GALNTL6: variants seen among roughly 807,000 people sequenced by gnomAD.
The protein encoded by GALNTL6 is polypeptide N-acetylgalactosaminyltransferase-like 6.
In GALNTL6, 46 loss-of-function variants were observed where a neutral mutation model predicts 73.7. The ratio of observed to expected loss-of-function variants is 0.62; its 90% CI spans 0.49 to 0.80. GALNTL6 has a LOEUF of 0.80. GALNTL6 is among the 30% of genes least tolerant of loss of function. The pLI is 0.00. For synonymous variants in GALNTL6, 259 were observed against 263.7 expected, an observed-to-expected ratio of 0.98 and a Z score of 0.17; for missense variants, 604 against 755.0, an observed-to-expected ratio of 0.80 and a Z score of 2.34.
chr4:172,852,501 T>A (rs1334746266), intron 7 of GALNTL6, among the ~76,000 whole-genome samples: 2 of 152,154 alleles, frequency 1.3e-5, no homozygotes, highest in Non-Finnish European at 2.9e-5. Context: ...GCAGCCACCT[T>A]CCAGCAATAA....
At chr4:172,843,620 G>A (rs1002898989) in intron 7 of GALNTL6, among the ~76,000 whole-genome samples, 12 of 152,078 alleles carry the variant, frequency 7.9e-5, no homozygotes, top group East Asian at 1.9e-4. Flanking sequence ...TGGCTTTCTC[G>A]GGAGAGTTAA....
At chr4:171,992,933 T>G (rs1052809541) in intron 2 of GALNTL6, among the ~76,000 whole-genome samples, 1 of 152,094 alleles carries the variant, frequency 6.6e-6, no homozygotes, top group African/African-American at 2.4e-5. Context: ...TTCATCTACT[T>G]CTTACATTTC....
At chr4:172,176,325 G>GTA (rs1734994267) in intron 2 of GALNTL6, among the ~76,000 whole-genome samples, 1 of 7,526 alleles carries the variant, frequency 1.3e-4, no homozygotes, top group Admixed American at 2.8e-3. Flanking sequence ...GGGCGACAGC[G>GTA]AGACTCCGTC....
chr4:172,902,568 A>G (rs562004355), intron 8 of GALNTL6, among the ~76,000 whole-genome samples: 36 of 152,160 alleles, frequency 2.4e-4, no homozygotes, highest in Non-Finnish European at 2.1e-4. Flanking sequence ...AAAGCTCTTG[A>G]TCAATAGCCT....
rs907139501 is a variant in GALNTL6 at position 172,527,839 on chromosome 4, C to T, written c.553+179150C>T. On this transcript the variant is annotated intron_variant, in intron 5 of 12. Transcript: ENST00000506823. ...AAACATTATATATTTTTGTTATGTT[C>T]CACACATTATATGTGTGAACCCATT... Among the ~76,000 whole-genome samples the T allele has an allele frequency of 2.0e-5, 3 of 151,962 alleles. No individual in the cohort carries two copies. In the South Asian group the frequency reaches 6.2e-4, roughly 32 times the overall value.
At chr4:172,919,740 T>C (rs1199246175) in intron 8 of GALNTL6, among the ~76,000 whole-genome samples, 1 of 152,190 alleles carries the variant, frequency 6.6e-6, no homozygotes, top group Non-Finnish European at 1.5e-5. Context: ...GCCTCTGATG[T>C]AAATTCTAAG....
chr4:172,704,742 T>A (rs998423760), intron 5 of GALNTL6, among the ~76,000 whole-genome samples: 2 of 152,004 alleles, frequency 1.3e-5, no homozygotes, highest in Admixed American at 1.3e-4. Context: ...CTGATGATTA[T>A]TTGATAATTT....
chr4:172,137,727 C>G (rs1403008786), intron 2 of GALNTL6, among the ~76,000 whole-genome samples: 1 of 152,162 alleles, frequency 6.6e-6, no homozygotes, highest in Non-Finnish European at 1.5e-5. Context: ...TGAGCTCTTT[C>G]CCTGAATTTT....
chr4:171,873,424 T>A (rs1473288436), intron 2 of GALNTL6, among the ~76,000 whole-genome samples: 3 of 152,218 alleles, frequency 2.0e-5, no homozygotes, highest in Non-Finnish European at 4.4e-5. Context: ...GTTTTGAGAT[T>A]TTAATCCTGC....
intron 5 of GALNTL6, among the ~76,000 whole-genome samples, chr4:172,583,627 C>T (rs902501217): frequency 7.2e-5 from 11 of 152,042 alleles, no homozygotes; most frequent in African/African-American, 2.4e-4. Flanking sequence ...TGCGGCTGGG[C>T]GAGGTGGCTC....
chr4:172,930,885 G>A (rs1748295596), intron 8 of GALNTL6, among the ~76,000 whole-genome samples: 1 of 152,180 alleles, frequency 6.6e-6, no homozygotes, highest in African/African-American at 2.4e-5. Flanking sequence ...GGCTGGTCGT[G>A]ACCACCTGGG....
intron 10 of GALNTL6, among the ~76,000 whole-genome samples, chr4:172,999,524 G>GGCAAAATATTAGTAGAATATTA (rs1247585085): frequency 6.6e-6 from 1 of 152,098 alleles, no homozygotes; most frequent in Non-Finnish European, 1.5e-5. Flanking sequence ...GAAGTTGAAA[G>GGCAAAATATTAGTAGAATATTA]GCAAAATATT....
intron 2 of GALNTL6, among the ~76,000 whole-genome samples, chr4:172,179,280 A>C (rs1735157391): frequency 6.6e-6 from 1 of 151,660 alleles, no homozygotes; most frequent in Non-Finnish European, 1.5e-5. Flanking sequence ...CAACAGTGTA[A>C]AAGTATTCCT....
chr4:172,561,394 G>A (rs1469780650), intron 5 of GALNTL6, among the ~76,000 whole-genome samples: 1 of 151,830 alleles, frequency 6.6e-6, no homozygotes, highest in Non-Finnish European at 1.5e-5. Context: ...CTTTAACTGG[G>A]TTAATTTTTA....
chr4:172,257,780 C>A (rs1295531721), intron 3 of GALNTL6, among the ~76,000 whole-genome samples: 2 of 151,284 alleles, frequency 1.3e-5, no homozygotes, highest in Admixed American at 1.3e-4. Context: ...TAGCTGGAAG[C>A]TTTCCCTTTT....
intron 3 of GALNTL6, among the ~76,000 whole-genome samples, chr4:172,270,801 T>C (rs1012482612): frequency 6.6e-6 from 1 of 150,516 alleles, no homozygotes; most frequent in Non-Finnish European, 1.5e-5. Context: ...TCTATAGATA[T>C]ATAAAGGTAT....
intron 5 of GALNTL6, among the ~76,000 whole-genome samples, chr4:172,617,877 C>T (rs1738801771): frequency 6.6e-6 from 1 of 152,074 alleles, no homozygotes; most frequent in East Asian, 1.9e-4. Flanking sequence ...TTTACATAAC[C>T]ACCCCTTTGC....
At chr4:172,790,691 G>C (rs946986844) in intron 5 of GALNTL6, among the ~76,000 whole-genome samples, 2 of 152,040 alleles carry the variant, frequency 1.3e-5, no homozygotes, top group African/African-American at 4.8e-5. Flanking sequence ...AGGAGTTCAA[G>C]ACCAGCCTGG....
chr4:172,293,723 A>T (rs550550178), intron 3 of GALNTL6, among the ~76,000 whole-genome samples: 104 of 151,720 alleles, frequency 6.9e-4, no homozygotes, highest in South Asian at 3.5e-3. Context: ...GTATAAATTA[A>T]AAATATATTA....
Sources: allele counts gnomAD v4.1 joint callset (sites outside exome capture counted in the v4.1 genomes callset), GRCh38; gene constraint gnomAD v4.1.1; transcripts MANE v1.5; gene names NCBI Gene and HGNC (gene_info 2026-07-23, HGNC 2026-07-21).